Variants in PCDH9 observed in about 807,000 individuals in gnomAD.
PCDH9 encodes protocadherin-9.
A neutral mutation model predicts 70.6 loss-of-function variants in PCDH9; 24 were observed. The observed-to-expected ratio is 0.34, with a 90% CI of 0.25 to 0.48. PCDH9 has a LOEUF of 0.48. Among genes scored for constraint, PCDH9 ranks in the 20% least tolerant of loss-of-function variants. The probability of loss-of-function intolerance (pLI) is 0.99; values close to 1 mark genes in which losing one functional copy is unlikely to be tolerated. For synonymous variants in PCDH9, 562 were observed against 558.5 expected, an observed-to-expected ratio of 1.01 and a Z score of -0.09; for missense variants, 1,281 against 1,503.6, an observed-to-expected ratio of 0.85 and a Z score of 2.45.
intron 4 of PCDH9, among the ~76,000 whole-genome samples, chr13:66,518,598 T>C (rs1417344717): frequency 6.6e-6 from 1 of 152,144 alleles, no homozygotes; most frequent in East Asian, 1.9e-4. Context: ...GGATATACTT[T>C]GGAAAATTCA....
At chr13:66,515,490 T>C (rs1487467876) in intron 4 of PCDH9, among the ~76,000 whole-genome samples, 1 of 151,916 alleles carries the variant, frequency 6.6e-6, no homozygotes, top group Non-Finnish European at 1.5e-5. Flanking sequence ...AATAAAACAA[T>C]TATCATATAC....
chr13:66,392,681 G>A (rs1593904422), intron 4 of PCDH9, among the ~76,000 whole-genome samples: 1 of 152,066 alleles, frequency 6.6e-6, no homozygotes, highest in Non-Finnish European at 1.5e-5. Flanking sequence ...TTCGTGGCTT[G>A]AATTGCACTC....
At chr13:66,539,856 AT>A (rs1960870263) in intron 4 of PCDH9, among the ~76,000 whole-genome samples, 1 of 130,326 alleles carries the variant, frequency 7.7e-6, no homozygotes, top group African/African-American at 2.8e-5. Context: ...TTATTTTTTT[AT>A]TTTCTTTTTT....
chr13:67,192,636 A>C (rs1474334299), intron 2 of PCDH9, among the ~76,000 whole-genome samples: 1 of 152,186 alleles, frequency 6.6e-6, no homozygotes, highest in Non-Finnish European at 1.5e-5. Context: ...GGGTTATCTC[A>C]TAAAATAGAA....
intron 2 of PCDH9, among the ~76,000 whole-genome samples, chr13:66,937,298 G>A (rs9540948): frequency 0.85 from 129,275 of 152,206 alleles, 55,109 homozygotes; most frequent in Non-Finnish European, 0.89. Flanking sequence ...AGAAACTTGC[G>A]GAGTTGTAGT....
intron 2 of PCDH9, among the ~76,000 whole-genome samples, chr13:67,140,033 C>G (rs769934306): frequency 8.2e-6 from 1 of 121,814 alleles, no homozygotes; most frequent in African/African-American, 3.0e-5. Context: ...TCACCCCCCC[C>G]CCCCCGCCCA....
chr13:66,420,748 A>G (rs953547750), intron 4 of PCDH9, among the ~76,000 whole-genome samples: 3 of 152,164 alleles, frequency 2.0e-5, no homozygotes, highest in African/African-American at 7.2e-5. Context: ...AAAAAGCTGA[A>G]AATTCCAAAA....
intron 4 of PCDH9, among the ~76,000 whole-genome samples, chr13:66,359,257 T>C (rs1209119701): frequency 6.6e-6 from 1 of 152,062 alleles, no homozygotes; most frequent in Middle Eastern, 3.2e-3. Flanking sequence ...TGAGACATAC[T>C]AAAGGCTTCT....
intron 2 of PCDH9, among the ~76,000 whole-genome samples, chr13:66,950,254 C>T (rs2083157522): frequency 6.6e-6 from 1 of 152,074 alleles, no homozygotes; most frequent in African/African-American, 2.4e-5. Context: ...CTGTGACATC[C>T]TGCAGCAACT....
At chr13:67,165,351 G>T (rs1366358889) in intron 2 of PCDH9, among the ~76,000 whole-genome samples, 1 of 151,950 alleles carries the variant, frequency 6.6e-6, no homozygotes, top group Non-Finnish European at 1.5e-5. Context: ...AAAAAATTCA[G>T]CATTCCATTT....
chr13:66,334,251 A>T (rs1955993316), intron 4 of PCDH9, among the ~76,000 whole-genome samples: 2 of 151,986 alleles, frequency 1.3e-5, no homozygotes, highest in Admixed American at 1.3e-4. Flanking sequence ...TTATGATACC[A>T]ACCTTTTAAT....
At chr13:66,566,373 A>G (rs963276737) in intron 4 of PCDH9, among the ~76,000 whole-genome samples, 2 of 152,176 alleles carry the variant, frequency 1.3e-5, no homozygotes, top group African/African-American at 4.8e-5. Flanking sequence ...CAATTTCCAC[A>G]GGATAGCCAA....
intron 2 of PCDH9, among the ~76,000 whole-genome samples, chr13:67,197,089 GA>G (rs71211560): frequency 0.23 from 34,272 of 150,762 alleles, 4,133 homozygotes; most frequent in South Asian, 0.32. Flanking sequence ...ACAAAATATA[GA>G]AAAAAAAATC....
chr13:66,708,353 A>G (rs994290978), intron 3 of PCDH9, among the ~76,000 whole-genome samples: 3 of 151,400 alleles, frequency 2.0e-5, no homozygotes, highest in Non-Finnish European at 4.4e-5. Flanking sequence ...CCGGCCCCAG[A>G]TAACACTTTT....
chr13:66,977,434 T>A (rs1175970862), intron 2 of PCDH9: 1 of 152,134 alleles, frequency 6.6e-6, no homozygotes, highest in Non-Finnish European at 1.5e-5. Context: ...AAGAAAGTTT[T>A]GATGCTGGTA....
chr13:67,084,095 A>C (rs1318935157), intron 2 of PCDH9, among the ~76,000 whole-genome samples: 10 of 152,154 alleles, frequency 6.6e-5, no homozygotes. Flanking sequence ...GTGAATATGC[A>C]CCATAAGAAG....
At chr13:66,773,641 TAAATA>T (rs900799807) in intron 3 of PCDH9, among the ~76,000 whole-genome samples, 5 of 148,576 alleles carry the variant, frequency 3.4e-5, no homozygotes, top group Non-Finnish European at 6.0e-5. Context: ...AAAAAATAAA[TAAATA>T]AAATAAAATA....
At chr13:66,730,891 GTTTCTT>G (rs1422964727) in intron 3 of PCDH9, among the ~76,000 whole-genome samples, 7 of 42,102 alleles carry the variant, frequency 1.7e-4, no homozygotes, top group African/African-American at 4.1e-4. Flanking sequence ...TTTTTTGTTT[GTTTCTT>G]TTTTTTTGTG....
chr13:66,816,412 G>A (rs2080605919), intron 3 of PCDH9, among the ~76,000 whole-genome samples: 2 of 152,036 alleles, frequency 1.3e-5, no homozygotes, highest in Admixed American at 6.6e-5. Flanking sequence ...GCATGAATAT[G>A]GGTACGCACA....
Sources: gnomAD v4.1 joint callset for allele counts (sites outside exome capture counted in the v4.1 genomes callset) on GRCh38, gnomAD v4.1.1 for gene constraint, MANE v1.5 for transcripts, NCBI Gene and HGNC (gene_info 2026-07-23, HGNC 2026-07-21) for gene names.